ALB: variants seen among roughly 807,000 people sequenced by gnomAD.
The protein encoded by ALB is serum albumin.
In ALB, 37 loss-of-function variants were observed where a neutral mutation model predicts 74.5. The observed-to-expected ratio is 0.50, with a 90% CI of 0.38 to 0.65. ALB has a LOEUF of 0.65. Among genes scored for constraint, ALB ranks in the 30% least tolerant of loss-of-function variants. The probability of loss-of-function intolerance (pLI) is 0.00; values close to 1 mark genes in which losing one functional copy is unlikely to be tolerated. For missense variants in ALB, 685 were observed against 718.7 expected (o/e 0.95, Z 0.54); for synonymous variants, 249 against 251.6 (o/e 0.99, Z 0.10).
intron 12 of ALB, chr4:73,419,268 C>G: frequency 1.9e-6 from 1 of 521,918 alleles, no homozygotes; most frequent in African/African-American, 1.9e-5. Context: ...GTGGTTTATA[C>G]TGATTGTTTC....
In ALB at chr4:73,418,304, A is replaced by C; in HGVS notation, c.1645A>C (p.Lys549Gln). The C allele has an allele frequency of 1.2e-6, 2 of 1,612,754 alleles. No homozygotes were observed. Among genetic ancestry groups the C allele is most frequent in the Non-Finnish European group, 8.5e-7 (1 of 1,179,126 alleles). ...TLSEKERQIK[K>Q]QTALVELVKH... ...TTCTGAGAAGGAGAGACAAATCAAG[A>C]AACAAACGTGAGGAGTATTTCATTA... The change falls in exon 12 of 15, where the codon AAA (lysine) becomes CAA (glutamine). Residue 549 changes from lysine to glutamine, a missense_variant. Physicochemically the swap from Lys to Gln is moderately conservative, Grantham distance 53. Transcript: ENST00000295897.
chr4:73,414,596 C>T (rs1053940515), intron 8 of ALB, among the ~76,000 whole-genome samples: 1 of 152,112 alleles, frequency 6.6e-6, no homozygotes, highest in African/African-American at 2.4e-5. Flanking sequence ...CCTGGGATTA[C>T]AGGCATGCAC....
intron 6 of ALB, among the ~76,000 whole-genome samples, 156 bp from the exon 7 acceptor site, chr4:73,411,840 G>A (rs539260674): frequency 1.3e-5 from 2 of 152,194 alleles, no homozygotes; most frequent in Non-Finnish European, 2.9e-5. Flanking sequence ...CTAAGGATAA[G>A]TGATTACCAT....
At chr4:73,417,462 TTC>T in intron 10 of ALB, 67 bp from the exon 11 acceptor site, 2 of 1,570,266 alleles carry the variant, frequency 1.3e-6, no homozygotes, top group Admixed American at 1.7e-5. Context: ...CGGCCAAGTG[TTC>T]TCTGTTTTAT....
chr4:73,411,165 C>G (rs1718865230), intron 6 of ALB, among the ~76,000 whole-genome samples: 1 of 152,058 alleles, frequency 6.6e-6, no homozygotes, highest in African/African-American at 2.4e-5. Flanking sequence ...TATGCATGCT[C>G]TCTAGAAACT....
chr4:73,406,860 G>T (rs1053975073), intron 3 of ALB, 99 bp downstream of exon 3: 62 of 1,397,922 alleles, frequency 4.4e-5, no homozygotes, highest in Non-Finnish European at 5.7e-5. Context: ...ATTATTAAGT[G>T]TCCTGATTTG....
intron 3 of ALB, 35 bp from the exon 4 acceptor site, chr4:73,408,559 T>A (rs376004099): frequency 2.0e-5 from 31 of 1,577,616 alleles, no homozygotes; most frequent in Non-Finnish European, 2.7e-5. Context: ...AAAAAGGTAC[T>A]GTCCAGCAAC....
At chr4:73,404,470 G>A in intron 1 of ALB, 64 bp downstream of exon 1, 9 of 1,337,842 alleles carry the variant, frequency 6.7e-6, no homozygotes, top group Non-Finnish European at 9.7e-6. Context: ...TAAAGTTTTA[G>A]TAAACTCTGC....
chr4:73,408,336 A>C (rs1256295964), intron 3 of ALB, among the ~76,000 whole-genome samples: 1 of 152,208 alleles, frequency 6.6e-6, no homozygotes, highest in Non-Finnish European at 1.5e-5. Flanking sequence ...GGAGTCATAT[A>C]ACTTTCCTTA....
At position 73,417,644 on chromosome 4, in the gene ALB, A is replaced by G; in HGVS notation, c.1403A>G (p.Lys468Arg). Residue 468 changes from lysine (K) to arginine (R), a missense_variant, in exon 11 of 15, where the codon AAA (lysine) becomes AGA (arginine). Physicochemically the swap from Lys to Arg is conservative, Grantham distance 26 (BLOSUM62 2). Coordinates refer to ENST00000295897, the MANE Select transcript of ALB (RefSeq NM_000477.7). Reference protein sequence around the residue: ...GSKCCKHPEAKRMPCAEDYLS... With the variant: ...GSKCCKHPEARRMPCAEDYLS... ...AAATGTTGTAAACATCCTGAAGCAA[A>G]AAGAATGCCCTGTGCAGAAGACTAT... The G allele has an allele frequency of 6.2e-7, 1 of 1,613,962 alleles. No homozygotes were observed. Among genetic ancestry groups the G allele is most frequent in the South Asian group, 1.1e-5 (1 of 91,076 alleles).
chr4:73,410,909 A>T (rs767771466), intron 6 of ALB, among the ~76,000 whole-genome samples: 1 of 151,962 alleles, frequency 6.6e-6, no homozygotes, highest in African/African-American at 2.4e-5. Flanking sequence ...TTGTCCTTTT[A>T]TGTCTTATAG....
intron 8 of ALB, among the ~76,000 whole-genome samples, chr4:73,414,260 C>T (rs541820588): frequency 8.3e-4 from 126 of 152,280 alleles, no homozygotes; most frequent in Middle Eastern, 3.4e-3. Context: ...TACAAGATTT[C>T]ACTCATACAG....
chr4:73,415,871 C>A (rs946307163), intron 9 of ALB, among the ~76,000 whole-genome samples: 1 of 152,108 alleles, frequency 6.6e-6, no homozygotes, highest in Non-Finnish European at 1.5e-5. Flanking sequence ...TTATTATATG[C>A]AAGGCACTGT....
rs1014861491 is a variant in ALB at position 73,419,334 on chromosome 4, A to G, written c.1653-173A>G. 5 of 665,566 alleles carry G rather than the reference A, an allele frequency of 7.5e-6. No individual in the cohort carries two copies. In the East Asian group the frequency reaches 1.1e-4, roughly 15 times the overall value. The allele number at this position is 665,566 out of a possible 1,614,324, so 41.2% of individuals were successfully genotyped here. On this transcript the variant is annotated intron_variant, in intron 12 of 14. Transcript: ENST00000295897. ...GGATTTTATTATCCTCATCATGCAG[A>G]TGAGAATATTGAGACTTATAGCGGT... is the stretch of plus-strand genomic sequence containing the variant.
At chr4:73,418,756 G>A (rs983309283) in intron 12 of ALB, among the ~76,000 whole-genome samples, 4 of 152,186 alleles carry the variant, frequency 2.6e-5, no homozygotes, top group African/African-American at 9.6e-5. Context: ...TAAAAAACAT[G>A]TAGAAATGCA....
At chr4:73,405,666 C>T (rs1718704500) in intron 2 of ALB, among the ~76,000 whole-genome samples, 1 of 151,916 alleles carries the variant, frequency 6.6e-6, no homozygotes, top group Non-Finnish European at 1.5e-5. Context: ...TCTCGGCTCA[C>T]TGCAAACTCC....
In ALB at chr4:73,416,294, T is replaced by C. The variant is rs35683929; in HGVS notation, c.1230T>C (p.Asn410=). The C allele has an allele frequency of 2.6e-3, 4,146 of 1,613,700 alleles. 11 individuals are homozygous for C. The highest frequency in any genetic ancestry group is 2.9e-3 in the Non-Finnish European group (3,475 of 1,179,734). The change falls in exon 10 of 15, where the codon AAT becomes AAC. Residue 410 remains asparagine, a synonymous_variant. Transcript: ENST00000295897. ...EFKPLVEEPQ[N]LIKQNCELFE... ...AACCTCTTGTGGAAGAGCCTCAGAA[T>C]TTAATCAAACAAAATTGTGAGCTTT...
At chr4:73,404,520 C>A (rs1424193509) in intron 1 of ALB, 114 bp downstream of exon 1, 3 of 892,504 alleles carry the variant, frequency 3.4e-6, no homozygotes, top group East Asian at 2.6e-5. Flanking sequence ...TCTAAAATGG[C>A]ATAGTATTTT....
chr4:73,416,311 G>T lies in ALB; in HGVS notation c.1247G>T (p.Cys416Phe). The change falls in exon 10 of 15, where the codon TGT becomes TTT. Residue 416 changes from cysteine (C) to phenylalanine (F), a missense_variant. Transcript: ENST00000295897. ...CCTCAGAATTTAATCAAACAAAATT[G>T]TGAGCTTTTTGAGCAGCTTGGAGAG... ...EEPQNLIKQN[C>F]ELFEQLGEYK... is the part of the protein sequence containing the mutation. 1 of 1,613,678 alleles carries T rather than the reference G, an allele frequency of 6.2e-7. No homozygotes were observed. The highest frequency in any genetic ancestry group is 8.5e-7 in the Non-Finnish European group (1 of 1,179,756).
Sources: allele counts gnomAD v4.1 joint callset (sites outside exome capture counted in the v4.1 genomes callset), GRCh38; gene constraint gnomAD v4.1.1; transcripts MANE v1.5; gene names NCBI Gene and HGNC (gene_info 2026-07-23, HGNC 2026-07-21).